Variants in SAYSD1 observed in about 807,000 individuals in gnomAD.
SAYSD1 encodes SAYSvFN domain-containing protein 1.
A neutral mutation model predicts 14.5 loss-of-function variants in SAYSD1; 15 were observed. The observed-to-expected ratio is 1.03, with a 90% confidence interval of 0.69 to 1.59. SAYSD1 has a LOEUF of 1.59. SAYSD1 is among the 40% of genes most tolerant of loss of function. The pLI is 0.00. For missense variants in SAYSD1, 247 were observed against 227.3 expected, an observed-to-expected ratio of 1.09 and a Z score of -0.56; for synonymous variants, 105 against 102.6, an observed-to-expected ratio of 1.02 and a Z score of -0.14.
In SAYSD1 at chr6:39,114,952, G is replaced by A. The variant is rs546814152; in HGVS notation, c.138C>T (p.Gly46=). 6.2e-7 allele frequency: 1 copy of A among 1,613,890 alleles called. No homozygotes were observed. Among genetic ancestry groups the A allele is most frequent in the South Asian group, 1.1e-5 (1 of 91,084 alleles). ...EAAATLKAAP[G]WLKRFLVWKP... ...TCCATACCAGGAACCGCTTTAGCCA[G>A]CCTGGGGCTGCCTTTAGAGTCGCTG... Residue 46 remains glycine, a synonymous_variant, in exon 1 of 2, where the codon GGC becomes GGT. Transcript: ENST00000229903.
intron 1 of SAYSD1, among the ~76,000 whole-genome samples, chr6:39,108,396 G>C (rs1463090562): frequency 1.4e-5 from 2 of 145,632 alleles, no homozygotes; most frequent in Non-Finnish European, 3.0e-5. Flanking sequence ...GCAGGAGAAA[G>C]GTTAGGGAGC....
At chr6:39,106,488 C>T (rs1769505920) in intron 1 of SAYSD1, among the ~76,000 whole-genome samples, 1 of 152,146 alleles carries the variant, frequency 6.6e-6, no homozygotes, top group Non-Finnish European at 1.5e-5. Context: ...GATTGCACCA[C>T]CACACTCTAG....
At chr6:39,108,739 T>C (rs187946999) in intron 1 of SAYSD1, among the ~76,000 whole-genome samples, 167 of 152,256 alleles carry the variant, frequency 1.1e-3, no homozygotes, top group African/African-American at 3.9e-3. Context: ...GTATGTGCCC[T>C]TGGCTTAGTC....
At position 39,115,182 on chromosome 6, in the gene SAYSD1, C is replaced by T; in HGVS notation, c.-93G>A. On this transcript the variant is annotated 5_prime_UTR_variant, in exon 1 of 2. Coordinates refer to ENST00000229903, the MANE Select transcript of SAYSD1 (RefSeq NM_018322.3). ...CGCTCGGCCCGCGCCGGCCGCCGTG[C>T]GCCTGCGTGGCAGAAGCCCCTGCTG... 1 of 1,245,220 alleles carries T rather than the reference C, an allele frequency of 8.0e-7. No individual in the cohort carries two copies. The allele number at this position is 1,245,220 out of a possible 1,614,324, so 77.1% of individuals were successfully genotyped here.
Position 39,115,057 on chromosome 6 carries a change from C to A in SAYSD1, c.33G>T (p.Ala11=). Residue 11 remains alanine (A), a synonymous_variant, in exon 1 of 2, where the codon GCG becomes GCT. Transcript: ENST00000229903. MEQRLAEFRA[A]RKRAGLAAQP... The stretch of plus-strand genomic sequence containing the variant: ...GGGCCGCCAGACCCGCCCGTTTCCG[C>A]GCCGCCCGAAACTCAGCTAACCGCT... 6.2e-7 allele frequency: 1 copy of A among 1,610,198 alleles called. No individual in the cohort carries two copies. The highest frequency in any genetic ancestry group is 8.5e-7 in the Non-Finnish European group (1 of 1,179,804).
chr6:39,110,371 G>T, intron 1 of SAYSD1: 1 of 208,488 alleles, frequency 4.8e-6, no homozygotes, highest in South Asian at 9.8e-5. Context: ...ATGTGGAAGT[G>T]GTCACTCTCC....
In SAYSD1 at chr6:39,114,974, G is replaced by C. The variant is rs200723491; in HGVS notation, c.116C>G (p.Ala39Gly). The change falls in exon 1 of 2, where the codon GCG (alanine) becomes GGG (glycine). Residue 39 changes from alanine to glycine, a missense_variant. Transcript: ENST00000229903. ...CCAGCCTGGGGCTGCCTTTAGAGTC[G>C]CTGCTGCTTCCGCCTTCTCTCCTGG... ...QTPGEKAEAA[A>G]TLKAAPGWLK... 1.2e-6 allele frequency: 2 copies of C among 1,613,900 alleles called. No homozygotes were observed. The highest frequency in any genetic ancestry group is 4.5e-5 in the East Asian group (2 of 44,880).
In SAYSD1 at chr6:39,105,534, G is replaced by A. The variant is rs200841245; in HGVS notation, c.450C>T (p.Ser150=). The A allele has an allele frequency of 2.6e-5, 42 of 1,614,212 alleles. No individual in the cohort carries two copies. In the East Asian group the frequency reaches 5.8e-4, roughly 22 times the overall value. Residue 150 remains serine, a synonymous_variant, in exon 2 of 2, where the codon AGC becomes AGT. Coordinates refer to ENST00000229903, the MANE Select transcript of SAYSD1 (RefSeq NM_018322.3). ...GPEEKKEGEK[S]AYSVFNPGCE... ...AGCCTGGATTGAACACAGAGTAGGCGCTCTTCTCTCCCTCTTTCTTCTCTT... is the reference window on the plus strand; with the variant it reads ...AGCCTGGATTGAACACAGAGTAGGCACTCTTCTCTCCCTCTTTCTTCTCTT...
intron 1 of SAYSD1, chr6:39,109,231 G>A: frequency 3.9e-6 from 5 of 1,284,788 alleles, no homozygotes; most frequent in Non-Finnish European, 5.5e-6. Context: ...TGGGTTCTGG[G>A]GCAGGGTGGT....
rs941924869 is a variant in SAYSD1 at position 39,105,787 on chromosome 6, C to A, written c.208-11G>T. 1.2e-6 allele frequency: 2 copies of A among 1,605,274 alleles called. No individual in the cohort carries two copies. Among genetic ancestry groups the A allele is most frequent in the African/African-American group, 1.3e-5 (1 of 74,446 alleles). Reference sequence around the variant, plus strand: ...GGGCTGAGCCGCTTCCTAGGATACACAAACAAACAAAAGAAAGAATAAAGG... The same window carrying A: ...GGGCTGAGCCGCTTCCTAGGATACAAAAACAAACAAAAGAAAGAATAAAGG... On this transcript the variant is annotated splice_polypyrimidine_tract_variant and intron_variant, in intron 1 of 1. Coordinates refer to ENST00000229903, the MANE Select transcript of SAYSD1 (RefSeq NM_018322.3).
In SAYSD1 at chr6:39,109,195, C is replaced by T. The variant is rs562679131; in HGVS notation, c.208-3419G>A. 200 of 958,934 alleles carry T rather than the reference C, an allele frequency of 2.1e-4. 1 individual carries two copies. In the African/African-American group the frequency reaches 2.7e-3, roughly 13 times the overall value. The allele number at this position is 958,934 out of a possible 1,614,324, so 59.4% of individuals were successfully genotyped here. A position where few individuals can be genotyped will look rare whatever the true frequency, so the allele number is the denominator to read the frequency against. On this transcript the variant is annotated intron_variant, in intron 1 of 1. Coordinates refer to ENST00000229903, the MANE Select transcript of SAYSD1 (RefSeq NM_018322.3). ...CCAGCCTGAGCCAAGGCCTGGAGGT[C>T]AGGAGTGGTGGATGGGTATGGGAAA...
intron 1 of SAYSD1, chr6:39,109,623 G>C: frequency 1.6e-6 from 2 of 1,258,832 alleles, no homozygotes; most frequent in Non-Finnish European, 2.0e-6. Context: ...CCCTTCATCT[G>C]TAGATGGACA....
chr6:39,110,791 A>G (rs1769610593), intron 1 of SAYSD1: 1 of 152,184 alleles, frequency 6.6e-6, no homozygotes, highest in African/African-American at 2.4e-5. Flanking sequence ...AGGTATAGTT[A>G]GCATTCTTCT....
rs1583664408 is a variant in SAYSD1, at chr6:39,104,498, G to C, written c.*934C>G. Reference sequence around the variant, plus strand: ...CCCTTAGAACCGTATTGTGAACTGCGCATGCGAGGGATCTAGGTTGCGTGC... The same window carrying C: ...CCCTTAGAACCGTATTGTGAACTGCCCATGCGAGGGATCTAGGTTGCGTGC... On this transcript the variant is annotated 3_prime_UTR_variant, in exon 2 of 2. Transcript: ENST00000229903. 6.6e-6 allele frequency: 1 copy of C among 152,022 alleles called. No homozygotes were observed. The highest frequency in any genetic ancestry group is 1.5e-5 in the Non-Finnish European group (1 of 68,030). 9.4% of individuals were successfully genotyped at this position (152,022 alleles called of 1,614,324 possible).
At chr6:39,114,098 AG>A (rs1214431167) in intron 1 of SAYSD1, among the ~76,000 whole-genome samples, 9 of 152,234 alleles carry the variant, frequency 5.9e-5, no homozygotes, top group Admixed American at 2.0e-4. Context: ...TGAGGAACAA[AG>A]CACTGGGCAC....
intron 1 of SAYSD1, chr6:39,112,949 G>T: frequency 6.5e-6 from 1 of 154,256 alleles, no homozygotes. Context: ...CTTCCAGAAG[G>T]AAAATTTAAA....
chr6:39,107,026 T>C (rs1307092523), intron 1 of SAYSD1, among the ~76,000 whole-genome samples: 1 of 152,378 alleles, frequency 6.6e-6, no homozygotes, highest in Non-Finnish European at 1.5e-5. Flanking sequence ...TTCTCTTGTA[T>C]TTCCTATTCT....
chr6:39,109,318 A>AT (rs1769580665), intron 1 of SAYSD1: 1 of 1,550,920 alleles, frequency 6.4e-7, no homozygotes, highest in African/African-American at 1.4e-5. Flanking sequence ...AGTTACCAGC[A>AT]TTTTTGTCCT....
At position 39,104,527 on chromosome 6, in the gene SAYSD1, TTA is replaced by T. The variant is rs1372365416; in HGVS notation, c.*903_*904del. 1.3e-5 allele frequency: 2 copies of T among 152,068 alleles called. No individual in the cohort carries two copies. The highest frequency in any genetic ancestry group is 2.9e-5 in the Non-Finnish European group (2 of 68,054). The allele number at this position is 152,068 out of a possible 1,614,324, so 9.4% of individuals were successfully genotyped here. ...GCGAGGGATCTAGGTTGCGTGCTCC[TTA>T]TGAGACTCTAATGCCTGATGATCTG... On this transcript the variant is annotated 3_prime_UTR_variant, in exon 2 of 2. Transcript: ENST00000229903.
Sources: allele counts gnomAD v4.1 joint callset (sites outside exome capture counted in the v4.1 genomes callset), GRCh38; gene constraint gnomAD v4.1.1; transcripts MANE v1.5; gene names NCBI Gene and HGNC (gene_info 2026-07-23, HGNC 2026-07-21).